PIWIL4: variants seen among roughly 807,000 people sequenced by gnomAD.
The protein encoded by PIWIL4 is piwi-like protein 4.
A neutral mutation model predicts 100.9 loss-of-function variants in PIWIL4; 50 were observed. That is an observed-to-expected ratio of 0.50 (90% CI 0.39 to 0.63). The LOEUF is 0.63. Among genes scored for constraint, PIWIL4 ranks in the 20% least tolerant of loss-of-function variants. The probability of loss-of-function intolerance (pLI) is 0.00; values close to 1 mark genes in which losing one functional copy is unlikely to be tolerated. For synonymous variants in PIWIL4, 342 were observed against 367.5 expected (o/e 0.93, Z 0.79); for missense variants, 887 against 1,043.3 (o/e 0.85, Z 2.06).
intron 16 of PIWIL4, chr11:94,617,738 A>T (rs913476699): frequency 4.0e-6 from 2 of 496,234 alleles, no homozygotes; most frequent in African/African-American, 2.0e-5. Context: ...ATCATGCCAT[A>T]GAAACCATTG....
chr11:94,599,414 T>C (rs950122136), intron 11 of PIWIL4, among the ~76,000 whole-genome samples: 11 of 152,168 alleles, frequency 7.2e-5, no homozygotes, highest in African/African-American at 2.4e-4. Flanking sequence ...TTTCTGAAAT[T>C]AGGTCCTAGG....
chr11:94,589,914 A>T (rs181413035), intron 8 of PIWIL4, among the ~76,000 whole-genome samples: 1 of 152,118 alleles, frequency 6.6e-6, no homozygotes, highest in African/African-American at 2.4e-5. Context: ...TGCTTTGCGC[A>T]TATTAGATAC....
At chr11:94,596,155 G>C (rs1017963373) in intron 10 of PIWIL4, among the ~76,000 whole-genome samples, 4 of 151,640 alleles carry the variant, frequency 2.6e-5, no homozygotes, top group East Asian at 3.9e-4. Flanking sequence ...CTTTCTTAAG[G>C]TGGAAGTAAA....
intron 4 of PIWIL4, among the ~76,000 whole-genome samples, chr11:94,580,083 G>T (rs563362890): frequency 6.6e-6 from 1 of 152,268 alleles, no homozygotes; most frequent in African/African-American, 2.4e-5. Flanking sequence ...ACACCTTTCT[G>T]TTGCTGGGAA....
At chr11:94,595,778 C>A (rs1435059982) in intron 10 of PIWIL4, among the ~76,000 whole-genome samples, 1 of 152,204 alleles carries the variant, frequency 6.6e-6, no homozygotes, top group Non-Finnish European at 1.5e-5. Flanking sequence ...ACCAGGCCCC[C>A]AGTATTAAGG....
In PIWIL4 at chr11:94,587,033, CTTTTT is replaced by C; in HGVS notation, c.717-15_717-11del. On this transcript the variant is annotated splice_polypyrimidine_tract_variant and intron_variant, in intron 6 of 19. Transcript: ENST00000299001. ...TAACATTGACAATATTCCTTTTTTT[CTTTTT>C]TGTTTTTAAAGATTATCCCTTTGGC... 2 of 1,572,722 alleles carry C rather than the reference CTTTTT, an allele frequency of 1.3e-6. No homozygotes were observed. Among genetic ancestry groups the C allele is most frequent in the Non-Finnish European group, 1.7e-6 (2 of 1,150,296 alleles).
intron 15 of PIWIL4, among the ~76,000 whole-genome samples, chr11:94,613,790 G>A (rs1386443633): frequency 6.6e-6 from 1 of 152,080 alleles, no homozygotes; most frequent in Non-Finnish European, 1.5e-5. Flanking sequence ...TTGAGATGGA[G>A]TCTCACACTC....
chr11:94,583,500 T>C lies in PIWIL4; in HGVS notation c.566T>C (p.Ile189Thr). 6.2e-7 allele frequency: 1 copy of C among 1,613,910 alleles called. No homozygotes were observed. Among genetic ancestry groups the C allele is most frequent in the Non-Finnish European group, 8.5e-7 (1 of 1,179,792 alleles). Residue 189 changes from isoleucine to threonine, a missense_variant, in exon 5 of 20, where the codon ATC becomes ACC. Around this residue, in one of 2 missense-constraint regions of PIWIL4, gnomAD observed 741 missense variants for 930.0 expected, o/e 0.80. Transcript: ENST00000299001. ...AGAGGTGAGACTATAAAGATGACTA[T>C]CACCCTGAAGAGGGAGCTGCCATCA... Reference protein sequence around the residue: ...TQRGETIKMTITLKRELPSSS... With the variant: ...TQRGETIKMTTTLKRELPSSS...
Position 94,608,584 on chromosome 11 carries a change from T to TA in PIWIL4, c.1844dup (p.Ser616ValfsTer8), listed in dbSNP as rs1565282054. On this transcript the variant is annotated frameshift_variant and splice_region_variant, in exon 15 of 20. Transcript: ENST00000299001. LOFTEE classifies it high-confidence loss of function. The stretch of plus-strand genomic sequence containing the variant: ...ATCATGACAAATTTAATTTTATAGT[T>TA]AAAGTCCCTGATGGTGGTCGGTATT... The TA allele has an allele frequency of 1.9e-6, 3 of 1,613,274 alleles. No individual in the cohort carries two copies. The highest frequency in any genetic ancestry group is 2.5e-6 in the Non-Finnish European group (3 of 1,179,368).
At chr11:94,603,676 G>A (rs2135286338) in intron 12 of PIWIL4, among the ~76,000 whole-genome samples, 2 of 152,188 alleles carry the variant, frequency 1.3e-5, no homozygotes, top group African/African-American at 4.8e-5. Context: ...TGAGACTTGG[G>A]ATTTCAAAAG....
rs12804546 is a variant in PIWIL4, at chr11:94,599,242, T to C, written c.1380+1327T>C. Among the ~76,000 whole-genome samples the C allele has an allele frequency of 6.1e-3, 923 of 152,290 alleles. 5 individuals are homozygous for C. Among genetic ancestry groups the C allele is most frequent in the African/African-American group, 0.013 (533 of 41,554 alleles). The stretch of plus-strand genomic sequence containing the variant: ...CATCTCATAATTTCTATAAGTAAAG[T>C]CGTATTTCCCAGAGCCTTTCATTTT... On this transcript the variant is annotated intron_variant, in intron 11 of 19. Coordinates refer to ENST00000299001, the MANE Select transcript of PIWIL4 (RefSeq NM_152431.3).
At chr11:94,609,529 A>G (rs770843636) in intron 15 of PIWIL4, among the ~76,000 whole-genome samples, 2 of 152,180 alleles carry the variant, frequency 1.3e-5, no homozygotes, top group Non-Finnish European at 2.9e-5. Context: ...GAACACCATA[A>G]TAACACCATA....
chr11:94,611,775 G>C (rs1195964215), intron 15 of PIWIL4, among the ~76,000 whole-genome samples: 1 of 152,114 alleles, frequency 6.6e-6, no homozygotes, highest in Non-Finnish European at 1.5e-5. Context: ...GCCCCCCTTT[G>C]CCTTTCATGA....
In PIWIL4 at chr11:94,618,051, T is replaced by G; in HGVS notation, c.2112T>G (p.Ile704Met). The G allele has an allele frequency of 5.6e-6, 9 of 1,605,950 alleles. No individual in the cohort carries two copies. The highest frequency in any genetic ancestry group is 7.7e-6 in the Non-Finnish European group (9 of 1,174,738). Reference sequence around the variant, plus strand: ...GGGATGGTCAGCTGAAAACACTTATTGAATATGAAGTCCCACAGCTGCTGA... The same window carrying G: ...GGGATGGTCAGCTGAAAACACTTATGGAATATGAAGTCCCACAGCTGCTGA... ...GVGDGQLKTL[I>M]EYEVPQLLSS... Residue 704 changes from isoleucine (I) to methionine (M), a missense_variant, in exon 17 of 20, where the codon ATT (isoleucine) becomes ATG (methionine). By Grantham distance (10) the Ile-to-Met change is conservative (BLOSUM62 1). Around this residue, in one of 2 missense-constraint regions of PIWIL4, gnomAD observed 741 missense variants for 930.0 expected, o/e 0.80. Coordinates refer to ENST00000299001, the MANE Select transcript of PIWIL4 (RefSeq NM_152431.3).
chr11:94,588,153 T>G (rs567136583), intron 7 of PIWIL4, among the ~76,000 whole-genome samples: 140 of 150,900 alleles, frequency 9.3e-4, no homozygotes, highest in African/African-American at 3.2e-3. Flanking sequence ...GTTTTTCCCC[T>G]CCTCGTGTCC....
intron 2 of PIWIL4, among the ~76,000 whole-genome samples, chr11:94,571,068 C>T (rs1338717218): frequency 6.6e-6 from 1 of 152,182 alleles, no homozygotes; most frequent in African/African-American, 2.4e-5. Context: ...ATGTCTGACT[C>T]TGCTGTTCCT....
chr11:94,605,988 A>C (rs548928788), intron 13 of PIWIL4, among the ~76,000 whole-genome samples: 10 of 152,294 alleles, frequency 6.6e-5, no homozygotes, highest in African/African-American at 2.4e-4. Context: ...GGAATCAGAT[A>C]TCTTTCCCAG....
chr11:94,618,938 A>G (rs1948876151), intron 17 of PIWIL4, among the ~76,000 whole-genome samples: 4 of 152,180 alleles, frequency 2.6e-5, no homozygotes, highest in Non-Finnish European at 5.9e-5. Flanking sequence ...CCCAACTGTT[A>G]GGGCCAAAAT....
chr11:94,616,603 GT>G, intron 16 of PIWIL4, 40 bp downstream of exon 16: 1 of 1,490,208 alleles, frequency 6.7e-7, no homozygotes, highest in Middle Eastern at 1.7e-4. Context: ...TCCAAGGACT[GT>G]TCCTTCAGAC....
Sources: allele counts gnomAD v4.1 joint callset (sites outside exome capture counted in the v4.1 genomes callset), GRCh38; gene constraint gnomAD v4.1.1; regional missense constraint gnomAD v4.1.1; transcripts MANE v1.5; gene names NCBI Gene and HGNC (gene_info 2026-07-23, HGNC 2026-07-21).